The following ITGA8 variants were observed in gnomAD, a reference collection of about 807,000 sequenced individuals.
The protein encoded by ITGA8 is integrin subunit alpha 8, also known as integrin alpha-8.
ITGA8 carries 91 observed loss-of-function variants against 142.3 expected under a neutral mutation model. That is an observed-to-expected ratio of 0.64 (90% CI 0.54 to 0.76). The LOEUF is 0.76. Among genes scored for constraint, ITGA8 ranks in the 30% least tolerant of loss-of-function variants. The pLI is 0.00. For synonymous variants in ITGA8, 505 were observed against 485.2 expected (o/e 1.04, Z -0.54); for missense variants, 1,406 against 1,327.7 (o/e 1.06, Z -0.92).
intron 8 of ITGA8, among the ~76,000 whole-genome samples, chr10:15,668,043 T>C (rs1483394106): frequency 6.6e-6 from 1 of 152,254 alleles, no homozygotes; most frequent in Admixed American, 6.5e-5. Context: ...GTCCACTTGG[T>C]GCAGAGCTGA....
chr10:15,548,500 T>G lies in ITGA8; in HGVS notation c.2835A>C (p.Ala945=), dbSNP rs1833722090. The part of the protein sequence containing the change: ...AVGRLEGGES[A]VLKVRSRLWA... ...ATAATCGTGACCTGACTTTCAGGAC[T>G]GCGCTTTCTCCTCCTTCGAGTCGTC... The change falls in exon 27 of 30, where the codon GCA becomes GCC. Residue 945 remains alanine (A), a synonymous_variant. Transcript: ENST00000378076. The G allele has an allele frequency of 6.2e-7, 1 of 1,603,080 alleles. No homozygotes were observed. Among genetic ancestry groups the G allele is most frequent in the Admixed American group, 1.8e-5 (1 of 56,410 alleles).
rs1241385438 is a variant in ITGA8, at chr10:15,515,628, T to C, written c.*1530A>G. ...AATTAATTAAAAAAAAAAACGCCAG[T>C]GTAAACATGCTTCAGATACATAGGT... On this transcript the variant is annotated 3_prime_UTR_variant, in exon 30 of 30. Transcript: ENST00000378076. 12 of 151,878 alleles carry C rather than the reference T, an allele frequency of 7.9e-5. 1 individual carries two copies. The South Asian group carries it at 2.5e-3, about 32-fold the overall frequency. The allele number at this position is 151,878 out of a possible 1,614,324, so 9.4% of individuals were successfully genotyped here.
intron 8 of ITGA8, 49 bp downstream of exon 8, chr10:15,671,554 C>G: frequency 6.7e-7 from 1 of 1,495,162 alleles, no homozygotes; most frequent in Non-Finnish European, 9.3e-7. Context: ...TGCCATTTTA[C>G]CATTTCCCCA....
intron 29 of ITGA8, among the ~76,000 whole-genome samples, chr10:15,517,879 C>T (rs1453609948): frequency 1.3e-5 from 2 of 152,220 alleles, no homozygotes; most frequent in African/African-American, 2.4e-5. Flanking sequence ...AAGGATTTCC[C>T]ACATGCTTAC....
intron 13 of ITGA8, among the ~76,000 whole-genome samples, chr10:15,619,282 A>G (rs957720310): frequency 6.6e-6 from 1 of 152,156 alleles, no homozygotes; most frequent in African/African-American, 2.4e-5. Flanking sequence ...AGACACAATA[A>G]TACTTGTTAA....
Position 15,613,746 on chromosome 10 carries a change from T to G in ITGA8, c.1467A>C (p.Val489=). 1 of 1,613,974 alleles carries G rather than the reference T, an allele frequency of 6.2e-7. No homozygotes were observed. The highest frequency in any genetic ancestry group is 8.5e-7 in the Non-Finnish European group (1 of 1,179,812). ...AVYRARPVVT[V]DAQLLLHPMI... Reference sequence around the variant, plus strand: ...TTGGGTGCAGCAGAAGCTGGGCATCTACAGTCACAACCGGTCTTGCTCTGC... The same window carrying G: ...TTGGGTGCAGCAGAAGCTGGGCATCGACAGTCACAACCGGTCTTGCTCTGC... The change falls in exon 15 of 30, where the codon GTA becomes GTC. Residue 489 remains valine (V), a synonymous_variant. Coordinates refer to ENST00000378076, the MANE Select transcript of ITGA8 (RefSeq NM_003638.3).
intron 2 of ITGA8, among the ~76,000 whole-genome samples, chr10:15,699,649 T>C (rs1226620447): frequency 2.0e-5 from 3 of 152,184 alleles, no homozygotes; most frequent in Non-Finnish European, 2.9e-5. Context: ...TATATCCACC[T>C]CCATGTGCCT....
At chr10:15,701,613 C>G (rs960443729) in intron 2 of ITGA8, among the ~76,000 whole-genome samples, 2 of 152,080 alleles carry the variant, frequency 1.3e-5, no homozygotes, top group African/African-American at 4.8e-5. Context: ...AGGAATTACA[C>G]GAAGTGAGGA....
chr10:15,607,708 T>C lies in ITGA8; in HGVS notation c.1733A>G (p.His578Arg). The C allele has an allele frequency of 6.2e-7, 1 of 1,613,820 alleles. No individual in the cohort carries two copies. Among genetic ancestry groups the C allele is most frequent in the Non-Finnish European group, 8.5e-7 (1 of 1,179,798 alleles). The change falls in exon 17 of 30, where the codon CAC becomes CGC. Residue 578 changes from histidine (H) to arginine (R), a missense_variant. His to Arg is a conservative substitution (Grantham distance 29). Transcript: ENST00000378076. Reference sequence around the variant, plus strand: ...GTAAACGATGAAATCCTGGCACTGGTGGGATTTCTGCCTTTTTATCACAAG... The same window carrying C: ...GTAAACGATGAAATCCTGGCACTGGCGGGATTTCTGCCTTTTTATCACAAG... ...FPLVIKRQKS[H>R]QCQDFIVYLR...
chr10:15,688,185 T>C (rs1834867514), intron 2 of ITGA8, 147 bp from the exon 3 acceptor site: 1 of 622,314 alleles, frequency 1.6e-6, no homozygotes, highest in Non-Finnish European at 2.9e-6. Flanking sequence ...CTGGGTATGG[T>C]GGCTCATGCC....
chr10:15,661,957 T>C (rs1350277270), intron 8 of ITGA8, among the ~76,000 whole-genome samples: 2 of 152,156 alleles, frequency 1.3e-5, no homozygotes, highest in Admixed American at 1.3e-4. Context: ...TCAGATATAA[T>C]AGGGTTGACT....
chr10:15,660,169 C>A (rs569112208), intron 9 of ITGA8, among the ~76,000 whole-genome samples: 1 of 152,148 alleles, frequency 6.6e-6, no homozygotes, highest in African/African-American at 2.4e-5. Flanking sequence ...CAATTATTCC[C>A]GGATTATACC....
intron 11 of ITGA8, among the ~76,000 whole-genome samples, chr10:15,650,133 G>T (rs1834059302): frequency 6.6e-6 from 1 of 152,084 alleles, no homozygotes; most frequent in Non-Finnish European, 1.5e-5. Context: ...CAAAAGACAT[G>T]GAGGAACCTC....
At chr10:15,619,246 T>C (rs1452867468) in intron 13 of ITGA8, among the ~76,000 whole-genome samples, 2 of 152,200 alleles carry the variant, frequency 1.3e-5, no homozygotes, top group Non-Finnish European at 2.9e-5. Flanking sequence ...TTTGTCTTAA[T>C]GCCTGCTCTG....
intron 2 of ITGA8, among the ~76,000 whole-genome samples, chr10:15,689,163 A>T (rs1293914856): frequency 1.3e-5 from 2 of 152,220 alleles, no homozygotes; most frequent in Non-Finnish European, 1.5e-5. Flanking sequence ...CAAAATCAAC[A>T]TACAAAAACC....
rs139595137 is a variant in ITGA8, at chr10:15,708,074, G to A, written c.343+10692C>T. Among the ~76,000 whole-genome samples, 301 of 151,992 alleles carry A rather than the reference G, an allele frequency of 2.0e-3. 4 individuals carry two copies. The East Asian group carries it at 0.02, about 10-fold the overall frequency. On this transcript the variant is annotated intron_variant, in intron 2 of 29. Transcript: ENST00000378076. ...TGTTCCTATGAACCCCATCCGACGG[G>A]ACAAAATCTTAGGCTTTGTTAGTGG...
chr10:15,677,728 C>A, intron 5 of ITGA8, 91 bp from the exon 6 acceptor site: 8 of 1,279,338 alleles, frequency 6.3e-6, no homozygotes, highest in South Asian at 1.3e-5. Flanking sequence ...ATAAGCATTG[C>A]TCTAACAATT....
chr10:15,663,733 C>G (rs1834333834), intron 8 of ITGA8, among the ~76,000 whole-genome samples: 1 of 151,914 alleles, frequency 6.6e-6, no homozygotes, highest in South Asian at 2.1e-4. Context: ...GCCACCATGC[C>G]CAGCTAATTT....
intron 27 of ITGA8, among the ~76,000 whole-genome samples, chr10:15,544,979 A>G (rs905927272): frequency 1.9e-4 from 29 of 152,208 alleles, no homozygotes; most frequent in African/African-American, 6.8e-4. Flanking sequence ...TCAAGCCTTC[A>G]GATGACTACA....
Sources: allele counts gnomAD v4.1 joint callset (sites outside exome capture counted in the v4.1 genomes callset), GRCh38; gene constraint gnomAD v4.1.1; transcripts MANE v1.5; gene names NCBI Gene and HGNC (gene_info 2026-07-23, HGNC 2026-07-21).